The following NVL variants were observed in gnomAD, a reference collection of about 807,000 sequenced individuals.
The protein encoded by NVL is nuclear VCP like, also known as nuclear valosin-containing protein-like.
A neutral mutation model predicts 110.2 loss-of-function variants in NVL; 84 were observed. The observed-to-expected ratio is 0.76, with a 90% confidence interval of 0.64 to 0.91. NVL has a LOEUF of 0.91. Ranked by LOEUF, NVL falls within the 40% of genes least tolerant of loss-of-function variation. The pLI is 0.00. For synonymous variants in NVL, 354 were observed against 361.1 expected, an observed-to-expected ratio of 0.98 and a Z score of 0.22; for missense variants, 882 against 1,035.9, an observed-to-expected ratio of 0.85 and a Z score of 2.04.
chr1:224,239,963 T>C (rs186103572), intron 19 of NVL, among the ~76,000 whole-genome samples: 23 of 152,208 alleles, frequency 1.5e-4, no homozygotes, highest in African/African-American at 5.3e-4. Flanking sequence ...AGTGACGCAA[T>C]CTCGGCTCAC....
intron 19 of NVL, among the ~76,000 whole-genome samples, chr1:224,237,776 G>A (rs376214752): frequency 1.4e-5 from 2 of 144,560 alleles, no homozygotes; most frequent in East Asian, 2.0e-4. Flanking sequence ...GCAGTGGTGC[G>A]ATCTTGGCTC....
At chr1:224,275,539 T>G in intron 16 of NVL, 81 bp from the exon 17 acceptor site, 3 of 1,548,424 alleles carry the variant, frequency 1.9e-6, no homozygotes, top group Non-Finnish European at 2.7e-6. Flanking sequence ...CAGTTTTATG[T>G]GACATAAACT....
Position 224,258,940 on chromosome 1 carries a change from C to T in NVL, c.2183-8622G>A, listed in dbSNP as rs564252245. ...GGGGGCATGCTGCAGGCCAGGAGTG[C>T]GAGACCAACCTGGTTAACATGAGAC... On this transcript the variant is annotated intron_variant, in intron 18 of 22. Transcript: ENST00000281701. Among the ~76,000 whole-genome samples, 10 of 123,584 alleles carry T rather than the reference C, an allele frequency of 8.1e-5. No individual in the cohort carries two copies. The East Asian group carries it at 2.1e-3, about 26-fold the overall frequency. The allele number at this position is 123,584 out of a possible 152,430, so 81.1% of individuals were successfully genotyped here. A position where few individuals can be genotyped will look rare whatever the true frequency, so the allele number is the denominator to read the frequency against.
At chr1:224,267,960 A>G (rs1051683923) in intron 18 of NVL, 74 bp downstream of exon 18, 2 of 998,262 alleles carry the variant, frequency 2.0e-6, no homozygotes, top group Non-Finnish European at 3.1e-6. Context: ...TTTATTTTTA[A>G]TTATCTGAAT....
At chr1:224,289,368 A>G (rs898073988) in intron 13 of NVL, 116 bp downstream of exon 13, 12 of 1,041,658 alleles carry the variant, frequency 1.2e-5, no homozygotes, top group Middle Eastern at 2.2e-4. Flanking sequence ...TATTCTATAG[A>G]TTAAATGCCA....
chr1:224,236,717 C>T (rs1183687465), intron 19 of NVL, 135 bp from the exon 20 acceptor site: 8 of 636,318 alleles, frequency 1.3e-5, no homozygotes, highest in Admixed American at 1.2e-4. Flanking sequence ...TCGAGACCAA[C>T]CTGTGGAACA....
intron 4 of NVL, among the ~76,000 whole-genome samples, chr1:224,314,116 T>TG (rs1669829878): frequency 6.6e-6 from 1 of 152,250 alleles, no homozygotes; most frequent in Non-Finnish European, 1.5e-5. Context: ...TATACAAAGT[T>TG]GTTGGGAGTA....
chr1:224,270,391 T>C (rs1348091396), intron 17 of NVL, among the ~76,000 whole-genome samples: 1 of 151,958 alleles, frequency 6.6e-6, no homozygotes, highest in Non-Finnish European at 1.5e-5. Flanking sequence ...ACCCCATCTC[T>C]ACTAAAAATA....
At chr1:224,256,292 T>C (rs903173449) in intron 18 of NVL, among the ~76,000 whole-genome samples, 1 of 151,858 alleles carries the variant, frequency 6.6e-6, no homozygotes, top group African/African-American at 2.4e-5. Context: ...GAGCATGGTG[T>C]TGCATGCCTG....
intron 20 of NVL, among the ~76,000 whole-genome samples, chr1:224,236,259 G>T (rs1001981843): frequency 8.5e-5 from 13 of 152,178 alleles, no homozygotes; most frequent in African/African-American, 2.9e-4. Flanking sequence ...AGCAGTGCTG[G>T]TTAGGGTAGG....
chr1:224,254,248 ATGCCCGGCTAACTTT>A (rs1449478852), intron 18 of NVL, among the ~76,000 whole-genome samples: 1 of 151,904 alleles, frequency 6.6e-6, no homozygotes, highest in Non-Finnish European at 1.5e-5. Flanking sequence ...GACCACCACC[ATGCCCGGCTAACTTT>A]TGTATTTTTA....
intron 15 of NVL, among the ~76,000 whole-genome samples, chr1:224,283,806 T>C (rs1455976967): frequency 6.6e-6 from 1 of 152,228 alleles, no homozygotes; most frequent in Non-Finnish European, 1.5e-5. Context: ...TGTAGATCAA[T>C]GACTGTGTTG....
Position 224,308,266 on chromosome 1 carries a change from G to A in NVL, c.343-3C>T. ...GAACTGTTCATGTGATTTGCTGACT[G>A]GCAGAAAGATAAAACAAAATTGTAG... is the stretch of plus-strand genomic sequence containing the variant. On this transcript the variant is annotated splice_polypyrimidine_tract_variant and splice_region_variant and intron_variant, in intron 5 of 22. Transcript: ENST00000281701. The A allele has an allele frequency of 6.3e-7, 1 of 1,588,210 alleles. No individual in the cohort carries two copies.
At chr1:224,286,702 C>A (rs976767061) in intron 14 of NVL, among the ~76,000 whole-genome samples, 1 of 152,104 alleles carries the variant, frequency 6.6e-6, no homozygotes, top group Non-Finnish European at 1.5e-5. Context: ...ATTTAAATTT[C>A]TAGGTTATAA....
intron 2 of NVL, among the ~76,000 whole-genome samples, chr1:224,324,989 G>A (rs955135842): frequency 2.6e-5 from 4 of 152,106 alleles, no homozygotes; most frequent in Non-Finnish European, 5.9e-5. Flanking sequence ...GGCCAGGTGC[G>A]GTGGCTCCCA....
intron 6 of NVL, among the ~76,000 whole-genome samples, chr1:224,307,196 C>T (rs2102714848): frequency 6.6e-6 from 1 of 152,190 alleles, no homozygotes; most frequent in African/African-American, 2.4e-5. Context: ...AAGTTAATAG[C>T]ACATCTCAAT....
At position 224,311,010 on chromosome 1, in the gene NVL, G is replaced by A. The variant is rs144235618; in HGVS notation, c.342+790C>T. 1.1e-4 allele frequency among the ~76,000 whole-genome samples: 17 copies of A among 152,252 alleles called. No homozygotes were observed. The East Asian group carries it at 3.1e-3, about 28-fold the overall frequency. On this transcript the variant is annotated intron_variant, in intron 5 of 22. Transcript: ENST00000281701. ...AGCCTCCCAAAGTGCTGGGATTACA[G>A]ACGTGAGCCATAACCCCTGGCCTTT... is the stretch of plus-strand genomic sequence containing the variant.
intron 8 of NVL, 137 bp downstream of exon 8, chr1:224,304,599 G>C: frequency 2.8e-6 from 2 of 705,412 alleles, no homozygotes; most frequent in Non-Finnish European, 5.0e-6. Flanking sequence ...AAAGGGTACA[G>C]GTCAGGTTTG....
intron 5 of NVL, among the ~76,000 whole-genome samples, chr1:224,309,911 C>A (rs1293780796): frequency 6.6e-6 from 1 of 152,070 alleles, no homozygotes; most frequent in Admixed American, 6.6e-5. Flanking sequence ...ACACCTTAAT[C>A]TCAGCTACTC....
Sources: gnomAD v4.1 joint callset for allele counts (sites outside exome capture counted in the v4.1 genomes callset) on GRCh38, gnomAD v4.1.1 for gene constraint, MANE v1.5 for transcripts, NCBI Gene and HGNC (gene_info 2026-07-23, HGNC 2026-07-21) for gene names.